CSMD3: variants seen among roughly 807,000 people sequenced by gnomAD.
CSMD3 encodes CUB and sushi domain-containing protein 3.
CSMD3 carries 177 observed loss-of-function variants against 435.2 expected under a neutral mutation model. The ratio of observed to expected loss-of-function variants is 0.41; its 90% CI spans 0.36 to 0.46. The LOEUF is 0.46. Ranked by LOEUF, CSMD3 falls within the 20% of genes least tolerant of loss-of-function variation. CSMD3 has a pLI of 0.34. For synonymous variants in CSMD3, 1,656 were observed against 1,520.5 expected (o/e 1.09, Z -2.07); for missense variants, 4,265 against 4,504.6 (o/e 0.95, Z 1.52).
chr8:112,700,626 A>T (rs1050063401), intron 13 of CSMD3, among the ~76,000 whole-genome samples: 2 of 152,118 alleles, frequency 1.3e-5, no homozygotes, highest in African/African-American at 4.8e-5. Flanking sequence ...ACTCATGACC[A>T]TTTCTGTTGG....
intron 1 of CSMD3, among the ~76,000 whole-genome samples, chr8:113,374,039 T>TTC (rs1330817274): frequency 2.0e-5 from 3 of 151,708 alleles, no homozygotes; most frequent in Admixed American, 6.6e-5. Flanking sequence ...ATCTCCAAAT[T>TTC]TCTCTCTCTC....
chr8:112,929,330 A>G (rs1385759557), intron 9 of CSMD3, among the ~76,000 whole-genome samples: 1 of 151,512 alleles, frequency 6.6e-6, no homozygotes, highest in Non-Finnish European at 1.5e-5. Context: ...ATGCGTATGT[A>G]ACTAACCTGC....
intron 4 of CSMD3, among the ~76,000 whole-genome samples, chr8:113,160,960 T>G (rs2131832872): frequency 6.6e-6 from 1 of 152,124 alleles, no homozygotes; most frequent in Admixed American, 6.5e-5. Context: ...GTGCTAAAAT[T>G]TATGGGGAAG....
intron 38 of CSMD3, among the ~76,000 whole-genome samples, chr8:112,370,902 T>C (rs1346290746): frequency 6.6e-6 from 1 of 152,156 alleles, no homozygotes; most frequent in Non-Finnish European, 1.5e-5. Flanking sequence ...GTTCAGTAAA[T>C]ATTTGTTGAA....
At chr8:112,298,101 C>T (rs1461692320) in intron 53 of CSMD3, among the ~76,000 whole-genome samples, 2 of 131,430 alleles carry the variant, frequency 1.5e-5, no homozygotes, top group Non-Finnish European at 3.3e-5. Flanking sequence ...TAAGTAAAGA[C>T]CCAAACAAAT....
intron 1 of CSMD3, among the ~76,000 whole-genome samples, chr8:113,435,811 G>A (rs568994168): frequency 6.6e-6 from 1 of 152,274 alleles, no homozygotes; most frequent in East Asian, 1.9e-4. Flanking sequence ...TTGTGGAAGA[G>A]AGCTATGGAT....
chr8:113,400,602 T>C (rs1365557045), intron 1 of CSMD3, among the ~76,000 whole-genome samples: 2 of 151,850 alleles, frequency 1.3e-5, no homozygotes, highest in African/African-American at 4.8e-5. Flanking sequence ...ATAATTAACA[T>C]GGCCAAAAAG....
At chr8:112,618,426 T>C (rs1833816368) in intron 22 of CSMD3, among the ~76,000 whole-genome samples, 2 of 152,096 alleles carry the variant, frequency 1.3e-5, no homozygotes, top group African/African-American at 2.4e-5. Context: ...CACAACTTTT[T>C]TGTAGGAGGA....
chr8:112,957,670 C>T (rs747873600), intron 7 of CSMD3, among the ~76,000 whole-genome samples: 5 of 152,048 alleles, frequency 3.3e-5, no homozygotes, highest in African/African-American at 7.2e-5. Context: ...AGGCTGGTCT[C>T]AAACTCCTGT....
chr8:112,462,952 C>T lies in CSMD3; in HGVS notation c.5395+9639G>A, dbSNP rs1301980872. On this transcript the variant is annotated intron_variant, in intron 32 of 70. Transcript: ENST00000297405. ...ACAGTCAATCTCCCTTCTCTGCTCT[C>T]TCACGCATTTTGAAACTGCTTGGCA... Among the ~76,000 whole-genome samples, 4 of 152,342 alleles carry T rather than the reference C, an allele frequency of 2.6e-5. No homozygotes were observed. The South Asian group carries it at 6.2e-4, about 24-fold the overall frequency.
At chr8:112,652,221 C>T (rs1447935249) in intron 18 of CSMD3, among the ~76,000 whole-genome samples, 2 of 152,070 alleles carry the variant, frequency 1.3e-5, no homozygotes, top group Non-Finnish European at 2.9e-5. Flanking sequence ...TCAGATAAGT[C>T]TCCTCATTAG....
At chr8:112,454,536 G>T (rs1816629416) in intron 32 of CSMD3, among the ~76,000 whole-genome samples, 1 of 152,060 alleles carries the variant, frequency 6.6e-6, no homozygotes, top group African/African-American at 2.4e-5. Flanking sequence ...AAACTATAAT[G>T]ATATACCATC....
At chr8:113,252,516 T>C (rs2093343805) in intron 3 of CSMD3, among the ~76,000 whole-genome samples, 1 of 152,132 alleles carries the variant, frequency 6.6e-6, no homozygotes, top group Non-Finnish European at 1.5e-5. Context: ...ATATCTTTCT[T>C]TCTGATACAG....
At chr8:113,300,720 A>G (rs1265980091) in intron 2 of CSMD3, among the ~76,000 whole-genome samples, 1 of 152,098 alleles carries the variant, frequency 6.6e-6, no homozygotes, top group Non-Finnish European at 1.5e-5. Flanking sequence ...ATAGGCTGAA[A>G]AACTACCTAT....
intron 32 of CSMD3, 41 bp downstream of exon 32, chr8:112,472,550 G>T: frequency 2.9e-6 from 3 of 1,040,996 alleles, no homozygotes; most frequent in Non-Finnish European, 4.6e-6. Flanking sequence ...AATAAAGCAT[G>T]TCTGGATGAA....
At chr8:112,351,388 A>C (rs1414671156) in intron 39 of CSMD3, 144 bp from the exon 40 acceptor site, 2 of 601,440 alleles carry the variant, frequency 3.3e-6, no homozygotes, top group Non-Finnish European at 6.0e-6. Flanking sequence ...AAATCTTAGC[A>C]TGATTAAAGT....
At chr8:113,421,197 A>T (rs1224608534) in intron 1 of CSMD3, among the ~76,000 whole-genome samples, 2 of 152,192 alleles carry the variant, frequency 1.3e-5, no homozygotes, top group African/African-American at 4.8e-5. Context: ...AATATTGGCA[A>T]ATAGAACACA....
intron 27 of CSMD3, among the ~76,000 whole-genome samples, chr8:112,541,160 C>A (rs866037870): frequency 6.6e-6 from 1 of 151,710 alleles, no homozygotes; most frequent in South Asian, 2.1e-4. Flanking sequence ...AAGTTCATAG[C>A]AATAAACACC....
At chr8:112,597,600 T>C (rs1473951045) in intron 22 of CSMD3, among the ~76,000 whole-genome samples, 8 of 118,054 alleles carry the variant, frequency 6.8e-5, no homozygotes, top group African/African-American at 2.9e-4. Context: ...TTGATGAACA[T>C]TGATGCAAAA....
Sources: gnomAD v4.1 joint callset for allele counts (sites outside exome capture counted in the v4.1 genomes callset) on GRCh38, gnomAD v4.1.1 for gene constraint, MANE v1.5 for transcripts, NCBI Gene and HGNC (gene_info 2026-07-23, HGNC 2026-07-21) for gene names.